The following SOX5 variants were observed in gnomAD, a reference collection of about 807,000 sequenced individuals.
The protein encoded by SOX5 is SRY-box transcription factor 5, also known as transcription factor SOX-5.
SOX5 carries 9 observed loss-of-function variants against 92.0 expected under a neutral mutation model. The observed-to-expected ratio is 0.10, with a 90% CI of 0.06 to 0.17. The LOEUF (loss-of-function observed/expected upper bound fraction) is 0.17, where lower values mean the gene tolerates loss of function less well. Among genes scored for constraint, SOX5 ranks in the 10% least tolerant of loss-of-function variants. SOX5 has a pLI of 1.00. For synonymous variants in SOX5, 344 were observed against 336.3 expected (o/e 1.02, Z -0.25); for missense variants, 642 against 944.5 (o/e 0.68, Z 4.20).
intron 6 of SOX5, among the ~76,000 whole-genome samples, chr12:23,668,933 A>G (rs1375689485): frequency 6.6e-6 from 1 of 152,204 alleles, no homozygotes; most frequent in Non-Finnish European, 1.5e-5. Context: ...ACTCATAGTT[A>G]AATATTTTAT....
chr12:23,952,107 A>C (rs7305089), upstream of SOX5, among the ~76,000 whole-genome samples: 51,549 of 151,896 alleles, frequency 0.34, 10,134 homozygotes, highest in Non-Finnish European at 0.46. Context: ...TTTTTTCCTA[A>C]CTAGGAAAAA....
At chr12:24,041,844 T>A (rs1330594723) in intron 4 of SOX5, among the ~76,000 whole-genome samples, 1 of 152,154 alleles carries the variant, frequency 6.6e-6, no homozygotes, top group Non-Finnish European at 1.5e-5. Flanking sequence ...CTGTGACAGA[T>A]GACAAACTAA....
chr12:24,014,638 T>C (rs1472753279), intron 4 of SOX5, among the ~76,000 whole-genome samples: 4 of 152,194 alleles, frequency 2.6e-5, no homozygotes, highest in Non-Finnish European at 5.9e-5. Context: ...AGTCAACTCA[T>C]ACCTTAAACA....
intron 2 of SOX5, among the ~76,000 whole-genome samples, chr12:24,336,382 C>T (rs919560010): frequency 2.0e-5 from 3 of 152,058 alleles, no homozygotes; most frequent in Admixed American, 6.6e-5. Flanking sequence ...TATAAGCCAC[C>T]GCGTCCAGCC....
At chr12:23,570,918 AAAAAAAAAAAAAATATATATAT>A (rs1565910159) in intron 10 of SOX5, among the ~76,000 whole-genome samples, 5 of 34,416 alleles carry the variant, frequency 1.5e-4, no homozygotes, top group African/African-American at 6.1e-4. Flanking sequence ...CTCAAAAAAA[AAAAAAAAAAAAAATATATATAT>A]ATATATATAT....
intron 4 of SOX5, among the ~76,000 whole-genome samples, chr12:23,979,934 CAGATAGAT>C (rs1248874163): frequency 0.03 from 3,455 of 116,868 alleles, 48 homozygotes; most frequent in East Asian, 0.065. Context: ...GACAGACAGA[CAGATAGAT>C]AGATAGATAG....
At chr12:24,333,535 C>T (rs748379055) in intron 2 of SOX5, among the ~76,000 whole-genome samples, 6 of 151,920 alleles carry the variant, frequency 3.9e-5, no homozygotes, top group Non-Finnish European at 8.8e-5. Context: ...TCAGTATGAT[C>T]ATTTTACTAG....
intron 3 of SOX5, among the ~76,000 whole-genome samples, chr12:24,249,970 C>A (rs563455908): frequency 9.9e-5 from 15 of 152,264 alleles, no homozygotes; most frequent in Admixed American, 3.3e-4. Context: ...GAAAGCCCTG[C>A]TTTGAAAGAT....
intron 10 of SOX5, among the ~76,000 whole-genome samples, chr12:23,565,816 C>T (rs1053814522): frequency 1.2e-4 from 18 of 152,176 alleles, no homozygotes; most frequent in Non-Finnish European, 2.2e-4. Context: ...GTATATATGA[C>T]AACATTCAAT....
At chr12:24,269,100 A>G (rs1943376204) in intron 3 of SOX5, among the ~76,000 whole-genome samples, 2 of 152,210 alleles carry the variant, frequency 1.3e-5, no homozygotes, top group Non-Finnish European at 2.9e-5. Context: ...CTCACTTGAC[A>G]ATTTACAGTA....
At chr12:24,178,771 G>C (rs1955128473) in intron 4 of SOX5, among the ~76,000 whole-genome samples, 1 of 152,194 alleles carries the variant, frequency 6.6e-6, no homozygotes, top group South Asian at 2.1e-4. Context: ...GTATAAAGTA[G>C]AATGAATTAT....
chr12:24,380,213 C>T (rs1957689568), intron 1 of SOX5, among the ~76,000 whole-genome samples: 1 of 152,328 alleles, frequency 6.6e-6, no homozygotes, highest in South Asian at 2.1e-4. Flanking sequence ...GTTGGTATCC[C>T]AAGCTTCTCA....
chr12:24,410,688 A>G (rs1963915754), intron 1 of SOX5, among the ~76,000 whole-genome samples: 1 of 152,172 alleles, frequency 6.6e-6, no homozygotes, highest in Admixed American at 6.5e-5. Context: ...TCCTCTGCAA[A>G]TATCACAGAG....
At chr12:24,092,326 T>G (rs1310786666) in intron 4 of SOX5, among the ~76,000 whole-genome samples, 2 of 152,098 alleles carry the variant, frequency 1.3e-5, no homozygotes, top group Non-Finnish European at 2.9e-5. Flanking sequence ...TTTTTTCCAG[T>G]TCTTAATCTA....
intron 1 of SOX5, among the ~76,000 whole-genome samples, chr12:24,431,893 G>C (rs1002799560): frequency 6.6e-6 from 1 of 152,132 alleles, no homozygotes; most frequent in African/African-American, 2.4e-5. Flanking sequence ...AAGATCTATA[G>C]GCTTTGATGA....
intron 4 of SOX5, among the ~76,000 whole-genome samples, chr12:24,043,435 T>C (rs1035020566): frequency 2.0e-5 from 3 of 152,208 alleles, no homozygotes; most frequent in Non-Finnish European, 4.4e-5. Flanking sequence ...TTGCCCACCA[T>C]ACAATAAATA....
rs562492530 is a variant in SOX5 at position 23,935,593 on chromosome 12, C to A, written c.38+13971G>T. 4.0e-5 allele frequency among the ~76,000 whole-genome samples: 6 copies of A among 151,204 alleles called. No individual in the cohort carries two copies. In the South Asian group the frequency reaches 1.2e-3, roughly 31 times the overall value. On this transcript the variant is annotated intron_variant, in intron 1 of 14. Coordinates refer to ENST00000451604, the MANE Select transcript of SOX5 (RefSeq NM_006940.6). Reference sequence around the variant, plus strand: ...AAGTCAGTATCTCTCAAAAACAGTTCCAGTTAGCCATTACCAAGAAACCCT... The same window carrying A: ...AAGTCAGTATCTCTCAAAAACAGTTACAGTTAGCCATTACCAAGAAACCCT...
intron 1 of SOX5, among the ~76,000 whole-genome samples, chr12:23,942,666 T>A (rs867127026): frequency 2.0e-5 from 3 of 151,652 alleles, no homozygotes; most frequent in African/African-American, 7.3e-5. Context: ...GGCTTTTTTT[T>A]TTTTTTTGGC....
At chr12:24,194,213 C>A (rs1192984167) in intron 4 of SOX5, among the ~76,000 whole-genome samples, 1 of 152,174 alleles carries the variant, frequency 6.6e-6, no homozygotes, top group East Asian at 1.9e-4. Context: ...CCATTCACTA[C>A]AACCATTAAT....
Sources: allele counts gnomAD v4.1 joint callset (sites outside exome capture counted in the v4.1 genomes callset), GRCh38; gene constraint gnomAD v4.1.1; transcripts MANE v1.5; gene names NCBI Gene and HGNC (gene_info 2026-07-23, HGNC 2026-07-21).